The following MTAP variants were observed in gnomAD, a reference collection of about 807,000 sequenced individuals.
The protein encoded by MTAP is S-methyl-5'-thioadenosine phosphorylase.
In MTAP, 33 loss-of-function variants were observed where a neutral mutation model predicts 33.6. The observed-to-expected ratio is 0.98, with a 90% confidence interval of 0.74 to 1.31. The LOEUF is 1.31. Among genes scored for constraint, MTAP ranks in the 40% most tolerant of loss-of-function variants. MTAP has a pLI of 0.00. For missense variants in MTAP, 367 were observed against 360.0 expected (o/e 1.02, Z -0.16); for synonymous variants, 148 against 125.7 (o/e 1.18, Z -1.19).
intron 1 of MTAP, among the ~76,000 whole-genome samples, chr9:21,921,842 A>G (rs563864609): frequency 6.6e-6 from 1 of 152,086 alleles, no homozygotes; most frequent in African/African-American, 2.4e-5. Flanking sequence ...TTAGCCAGGC[A>G]TGGTGGCACA....
chr9:21,934,858 G>T (rs1408225356), downstream of MTAP: 3 of 151,904 alleles, frequency 2.0e-5, no homozygotes, highest in African/African-American at 4.8e-5. This position sits in a 1 kb window ranked among gnomAD's most constrained non-coding sequence, Gnocchi z 5.0. Flanking sequence ...GCACCACCAT[G>T]CCCGGCTAAT....
At chr9:21,803,019 C>G in intron 1 of MTAP, 1 of 1,110,306 alleles carries the variant, frequency 9.0e-7, no homozygotes, top group Non-Finnish European at 1.2e-6. Context: ...CACACACACA[C>G]ACACACACAC....
intron 4 of MTAP, among the ~76,000 whole-genome samples, chr9:21,820,698 C>A (rs537566838): frequency 1.3e-5 from 2 of 152,310 alleles, no homozygotes; most frequent in African/African-American, 4.8e-5. Context: ...ATGGGGATGG[C>A]ACTGAATCTA....
chr9:21,841,726 G>T (rs918599254), intron 5 of MTAP, among the ~76,000 whole-genome samples: 20 of 152,346 alleles, frequency 1.3e-4, no homozygotes, highest in Middle Eastern at 3.4e-3. Flanking sequence ...CTAGGGGAAA[G>T]GGGAGAGCAC....
At chr9:21,885,263 G>A (rs1158075286) in intron 1 of MTAP, among the ~76,000 whole-genome samples, 1 of 152,072 alleles carries the variant, frequency 6.6e-6, no homozygotes, top group South Asian at 2.1e-4. Context: ...CCTAATTTAT[G>A]CAATTATTTC....
At chr9:21,840,905 G>C (rs1458507347) in intron 5 of MTAP, among the ~76,000 whole-genome samples, 3 of 152,154 alleles carry the variant, frequency 2.0e-5, no homozygotes, top group Non-Finnish European at 4.4e-5. Context: ...TCTGAGCAGG[G>C]CACTGCAGGA....
exon 2 of MTAP, chr9:21,931,011 A>C (rs752582852): frequency 2.6e-6 from 2 of 763,194 alleles, no homozygotes. Flanking sequence ...CCTTTAGATG[A>C]TCAAGTTCCA....
chr9:21,872,665 A>T (rs1003662294), intron 1 of MTAP, among the ~76,000 whole-genome samples: 3 of 152,234 alleles, frequency 2.0e-5, no homozygotes, highest in Non-Finnish European at 2.9e-5. Flanking sequence ...AGAAGAAAAA[A>T]GCAAATTGCA....
intron 1 of MTAP, among the ~76,000 whole-genome samples, chr9:21,885,389 A>T (rs924198342): frequency 1.3e-5 from 2 of 152,154 alleles, no homozygotes; most frequent in Admixed American, 1.3e-4. Flanking sequence ...ATCCCCCAAG[A>T]TTCTGATTCA....
At chr9:21,886,427 T>C (rs1818112073) in intron 1 of MTAP, among the ~76,000 whole-genome samples, 1 of 152,176 alleles carries the variant, frequency 6.6e-6, no homozygotes, top group Non-Finnish European at 1.5e-5. Flanking sequence ...TGATTATTTC[T>C]TTTGCTGTGC....
At chr9:21,910,271 T>G (rs369041512) in intron 1 of MTAP, among the ~76,000 whole-genome samples, 25 of 151,838 alleles carry the variant, frequency 1.6e-4, no homozygotes, top group African/African-American at 4.8e-4. Context: ...TTCACACCAT[T>G]AAAGAGTTTG....
At chr9:21,818,723 G>A (rs1204261336) in intron 4 of MTAP, among the ~76,000 whole-genome samples, 1 of 152,164 alleles carries the variant, frequency 6.6e-6, no homozygotes, top group Non-Finnish European at 1.5e-5. Context: ...ATATATGTAT[G>A]CATTGTACAA....
intron 1 of MTAP, among the ~76,000 whole-genome samples, chr9:21,885,073 G>C (rs928629526): frequency 6.6e-6 from 1 of 152,010 alleles, no homozygotes; most frequent in African/African-American, 2.4e-5. Flanking sequence ...GCTGATGTTT[G>C]CTTTATCAAT....
chr9:21,872,878 C>A (rs1027908130), intron 1 of MTAP, among the ~76,000 whole-genome samples: 7 of 152,116 alleles, frequency 4.6e-5, no homozygotes, highest in Non-Finnish European at 8.8e-5. Flanking sequence ...AGCACTCCCT[C>A]GGGAGGGAAT....
At chr9:21,852,508 T>TGA (rs1825539717) in intron 5 of MTAP, among the ~76,000 whole-genome samples, 31 of 72,172 alleles carry the variant, frequency 4.3e-4, no homozygotes, top group African/African-American at 2.4e-3. Flanking sequence ...AGACTCCATC[T>TGA]CAAAAAAAAA....
chr9:21,931,129 C>T (rs779738672), exon 2 of MTAP: 3 of 760,126 alleles, frequency 3.9e-6, no homozygotes, highest in South Asian at 2.7e-5. Flanking sequence ...GAAATCCTGC[C>T]CCTGTCTCCC....
At chr9:21,878,445 T>C (rs536165563) in intron 1 of MTAP, among the ~76,000 whole-genome samples, 2 of 152,246 alleles carry the variant, frequency 1.3e-5, no homozygotes, top group Admixed American at 1.3e-4. Flanking sequence ...GTTGTAATTT[T>C]AGGTGGTTAA....
chr9:21,908,068 TCAC>T (rs1818503518), intron 1 of MTAP, among the ~76,000 whole-genome samples: 1 of 152,200 alleles, frequency 6.6e-6, no homozygotes, highest in Admixed American at 6.5e-5. Context: ...AACATTTCAT[TCAC>T]CACAAGGATC....
intron 4 of MTAP, among the ~76,000 whole-genome samples, chr9:21,829,018 G>C (rs1824895058): frequency 1.3e-5 from 2 of 152,142 alleles, no homozygotes. Context: ...TTCATTATGT[G>C]TTTGAACATC....
Sources: gnomAD v4.1 joint callset for allele counts (sites outside exome capture counted in the v4.1 genomes callset) on GRCh38, gnomAD v4.1.1 for gene constraint, Gnocchi (gnomAD v3.1) non-coding constraint, MANE v1.5 for transcripts, NCBI Gene and HGNC (gene_info 2026-07-23, HGNC 2026-07-21) for gene names.